The following IKZF1 variants were observed in gnomAD, a reference collection of about 807,000 sequenced individuals.
The protein encoded by IKZF1 is DNA-binding protein Ikaros.
A neutral mutation model predicts 51.7 loss-of-function variants in IKZF1; 10 were observed. The observed-to-expected ratio is 0.19, with a 90% CI of 0.12 to 0.33. The LOEUF is 0.33. IKZF1 is among the 10% of genes least tolerant of loss of function. The probability of loss-of-function intolerance (pLI) is 1.00; values close to 1 mark genes in which losing one functional copy is unlikely to be tolerated. For missense variants in IKZF1, 484 were observed against 707.5 expected (o/e 0.68, Z 3.58); for synonymous variants, 280 against 282.3 (o/e 0.99, Z 0.08).
intron 3 of IKZF1, among the ~76,000 whole-genome samples, chr7:50,330,122 G>T (rs912367671): frequency 3.3e-5 from 5 of 152,206 alleles, no homozygotes; most frequent in African/African-American, 1.2e-4. Flanking sequence ...CCCCAGCACA[G>T]GTGTCACCTT....
chr7:50,327,999 A>T, intron 3 of IKZF1: 1 of 477,030 alleles, frequency 2.1e-6, no homozygotes, highest in East Asian at 3.6e-5. Context: ...TTGAGGAGCA[A>T]TCCTGCCCAG....
intron 5 of IKZF1, 91 bp from the exon 6 acceptor site, chr7:50,387,251 TAAC>T: frequency 1.4e-6 from 2 of 1,422,146 alleles, no homozygotes; most frequent in African/African-American, 1.5e-5. Context: ...ATTTTTTTTT[TAAC>T]TTTTTTGGTA....
intron 7 of IKZF1, among the ~76,000 whole-genome samples, chr7:50,395,240 G>A (rs1258209200): frequency 6.6e-6 from 1 of 152,080 alleles, no homozygotes; most frequent in Non-Finnish European, 1.5e-5. Context: ...TGAATTAGGT[G>A]GATTGATGGA....
At chr7:50,355,875 G>C (rs558576584) in intron 3 of IKZF1, among the ~76,000 whole-genome samples, 1 of 152,318 alleles carries the variant, frequency 6.6e-6, no homozygotes, top group East Asian at 1.9e-4. Flanking sequence ...GAGGCCTCCC[G>C]GCTGTCCTGC....
chr7:50,321,775 C>A (rs2086394933), intron 2 of IKZF1, among the ~76,000 whole-genome samples: 1 of 152,106 alleles, frequency 6.6e-6, no homozygotes, highest in Non-Finnish European at 1.5e-5. Flanking sequence ...AAGCCTGATT[C>A]TCCTCTGGTA....
chr7:50,362,493 G>C (rs968175374), intron 3 of IKZF1, among the ~76,000 whole-genome samples: 4 of 152,186 alleles, frequency 2.6e-5, no homozygotes, highest in African/African-American at 9.7e-5. Flanking sequence ...AATGTTGGTT[G>C]GTTGTAGCTA....
upstream of IKZF1, chr7:50,304,053 G>C (rs1001285471): frequency 7.0e-6 from 1 of 143,804 alleles, no homozygotes; most frequent in Non-Finnish European, 1.5e-5. Flanking sequence ...CGGGGGTGGC[G>C]GCGGCGCGCC....
intron 1 of IKZF1, among the ~76,000 whole-genome samples, chr7:50,306,071 C>G (rs763934513): frequency 1.3e-5 from 2 of 152,114 alleles, no homozygotes; most frequent in Admixed American, 6.5e-5. Flanking sequence ...GAATTATTTC[C>G]GTGACAAATC....
intron 1 of IKZF1, among the ~76,000 whole-genome samples, chr7:50,306,992 A>G (rs993111996): frequency 6.6e-6 from 1 of 152,250 alleles, no homozygotes; most frequent in African/African-American, 2.4e-5. Flanking sequence ...ATATGCACAC[A>G]GAGCGTGCAC....
intron 3 of IKZF1, among the ~76,000 whole-genome samples, chr7:50,338,240 T>C (rs1798245948): frequency 6.6e-6 from 1 of 152,246 alleles, no homozygotes; most frequent in East Asian, 1.9e-4. Context: ...AATGTTAATC[T>C]TCATTTTATT....
chr7:50,335,583 A>G (rs1341099829), intron 3 of IKZF1, among the ~76,000 whole-genome samples: 2 of 123,104 alleles, frequency 1.6e-5, no homozygotes, highest in African/African-American at 3.2e-5. Context: ...TGTGTGTTGT[A>G]TGTGTATGGG....
intron 3 of IKZF1, among the ~76,000 whole-genome samples, chr7:50,359,961 C>G (rs561854416): frequency 6.6e-6 from 1 of 152,344 alleles, no homozygotes; most frequent in East Asian, 1.9e-4. Context: ...CAGGATTTCT[C>G]AGCAGAGTAT....
chr7:50,385,245 C>A (rs1441939214), intron 5 of IKZF1, among the ~76,000 whole-genome samples: 2 of 152,154 alleles, frequency 1.3e-5, no homozygotes, highest in African/African-American at 4.8e-5. Context: ...GTGATGATTT[C>A]TTCAAAATGA....
rs559620093 is a variant in IKZF1 at position 50,313,013 on chromosome 7, G to A, written c.-14-6035G>A. 4.3e-4 allele frequency among the ~76,000 whole-genome samples: 66 copies of A among 152,278 alleles called. 1 individual carries two copies. Among genetic ancestry groups the A allele is most frequent in the African/African-American group, 7.2e-5 (3 of 41,564 alleles). ...AATCAGAAATGAAATAAGAGTGCTCGGAAGTTTTTATGTTCTCTCAACCTG... is the reference window on the plus strand; with the variant it reads ...AATCAGAAATGAAATAAGAGTGCTCAGAAGTTTTTATGTTCTCTCAACCTG... On this transcript the variant is annotated intron_variant, in intron 1 of 7. Coordinates refer to ENST00000331340, the MANE Select transcript of IKZF1 (RefSeq NM_006060.6).
chr7:50,372,424 A>G (rs947143596), intron 3 of IKZF1, among the ~76,000 whole-genome samples: 1 of 152,212 alleles, frequency 6.6e-6, no homozygotes, highest in East Asian at 1.9e-4. Context: ...CCGTCATAAC[A>G]TGGCTTAGAA....
At chr7:50,326,158 C>T (rs899087419) in intron 2 of IKZF1, among the ~76,000 whole-genome samples, 9 of 152,304 alleles carry the variant, frequency 5.9e-5, no homozygotes, top group East Asian at 5.8e-4. Context: ...TCTTGCCAGT[C>T]GTCTGAAATG....
At chr7:50,354,517 C>T (rs777327355) in intron 3 of IKZF1, among the ~76,000 whole-genome samples, 1 of 152,206 alleles carries the variant, frequency 6.6e-6, no homozygotes, top group Non-Finnish European at 1.5e-5. Context: ...TAAGAGGTGG[C>T]TGGCAGGAGA....
At chr7:50,389,603 G>T (rs1165735002) in intron 6 of IKZF1, among the ~76,000 whole-genome samples, 1 of 152,192 alleles carries the variant, frequency 6.6e-6, no homozygotes, top group African/African-American at 2.4e-5. Flanking sequence ...GTCTGGTATG[G>T]CCTCAAAAGG....
intron 3 of IKZF1, among the ~76,000 whole-genome samples, chr7:50,370,872 T>C (rs1405318018): frequency 1.3e-5 from 2 of 152,224 alleles, no homozygotes; most frequent in Admixed American, 6.5e-5. Context: ...ATAACTATCT[T>C]TCCTATCTTC....
Sources: allele counts gnomAD v4.1 joint callset (sites outside exome capture counted in the v4.1 genomes callset), GRCh38; gene constraint gnomAD v4.1.1; transcripts MANE v1.5; gene names NCBI Gene and HGNC (gene_info 2026-07-23, HGNC 2026-07-21).